TTLL11: variants seen among roughly 807,000 people sequenced by gnomAD.
TTLL11 encodes tubulin polyglutamylase TTLL11.
TTLL11 carries 42 observed loss-of-function variants against 51.7 expected under a neutral mutation model. The ratio of observed to expected loss-of-function variants is 0.81; its 90% CI spans 0.64 to 1.05. The LOEUF is 1.05. TTLL11 is among the 50% of genes least tolerant of loss of function. The probability of loss-of-function intolerance (pLI) is 0.00; values close to 1 mark genes in which losing one functional copy is unlikely to be tolerated. For synonymous variants in TTLL11, 381 were observed against 383.5 expected (o/e 0.99, Z 0.08); for missense variants, 799 against 940.4 (o/e 0.85, Z 1.97).
At chr9:121,979,898 A>G (rs1389263889) in intron 4 of TTLL11, among the ~76,000 whole-genome samples, 1 of 151,966 alleles carries the variant, frequency 6.6e-6, no homozygotes, top group Non-Finnish European at 1.5e-5. Flanking sequence ...CTGAAACATT[A>G]GTAGTTCAAG....
intron 8 of TTLL11, among the ~76,000 whole-genome samples, chr9:121,826,559 A>ATATATATATGTGTGTGTGTG (rs1836808376): frequency 1.1e-5 from 1 of 88,764 alleles, no homozygotes; most frequent in African/African-American, 5.6e-5. Flanking sequence ...ATGTGTGTGT[A>ATATATATATGTGTGTGTGTG]TATATATATA....
chr9:122,052,659 A>G (rs528977166), intron 1 of TTLL11, among the ~76,000 whole-genome samples: 1 of 152,314 alleles, frequency 6.6e-6, no homozygotes, highest in South Asian at 2.1e-4. Context: ...TGTTACCCAA[A>G]AGAGCTAGGA....
chr9:121,968,097 G>A (rs562138723), intron 6 of TTLL11, among the ~76,000 whole-genome samples: 5 of 152,250 alleles, frequency 3.3e-5, no homozygotes, highest in South Asian at 2.1e-4. Context: ...TAAATGCCAC[G>A]GAATTGTGCG....
At chr9:121,971,681 A>G (rs7046481) in intron 6 of TTLL11, among the ~76,000 whole-genome samples, 51,975 of 139,182 alleles carry the variant, frequency 0.37, 10,594 homozygotes, top group East Asian at 0.67. Context: ...GTGTCTGTGT[A>G]GAAAGAAGTA....
intron 6 of TTLL11, among the ~76,000 whole-genome samples, chr9:121,971,758 A>AAAAAAG (rs1214289726): frequency 3.3e-5 from 5 of 150,572 alleles, no homozygotes; most frequent in South Asian, 2.1e-4. Context: ...AAAAAAAAAA[A>AAAAAAG]AAAGAAAATG....
At chr9:121,978,772 A>C (rs1842769418) in intron 4 of TTLL11, among the ~76,000 whole-genome samples, 1 of 152,168 alleles carries the variant, frequency 6.6e-6, no homozygotes, top group South Asian at 2.1e-4. Flanking sequence ...ATTTATGCAA[A>C]GGTTCCAAAC....
chr9:122,084,227 T>C (rs79849517), intron 1 of TTLL11, among the ~76,000 whole-genome samples: 5,524 of 152,266 alleles, frequency 0.036, 151 homozygotes, highest in South Asian at 0.057. Flanking sequence ...AAACTGCCTA[T>C]TCTTCCAGCT....
chr9:122,053,826 C>T (rs58964134), intron 1 of TTLL11, among the ~76,000 whole-genome samples: 5,593 of 152,178 alleles, frequency 0.037, 163 homozygotes, highest in South Asian at 0.059. Flanking sequence ...CGCCAGGTTC[C>T]TAGTCGTTTG....
chr9:121,916,940 G>A (rs1432303420), intron 6 of TTLL11, among the ~76,000 whole-genome samples: 1 of 152,142 alleles, frequency 6.6e-6, no homozygotes, highest in East Asian at 1.9e-4. Context: ...GCCCATCCAA[G>A]ACCCCGTCCC....
At chr9:122,020,735 G>A (rs1009832309) in intron 3 of TTLL11, among the ~76,000 whole-genome samples, 1 of 152,240 alleles carries the variant, frequency 6.6e-6, no homozygotes, top group African/African-American at 2.4e-5. Flanking sequence ...TGGGACTAGT[G>A]TCCTTATAAG....
At chr9:121,867,927 T>C (rs1838228979) in intron 7 of TTLL11, among the ~76,000 whole-genome samples, 1 of 152,164 alleles carries the variant, frequency 6.6e-6, no homozygotes, top group African/African-American at 2.4e-5. Context: ...TCAGGAACAG[T>C]CGTTAGGTTA....
chr9:121,906,065 C>T (rs1564298704), intron 6 of TTLL11, among the ~76,000 whole-genome samples: 1 of 152,090 alleles, frequency 6.6e-6, no homozygotes, highest in African/African-American at 2.4e-5. Context: ...CAAATATGGG[C>T]TTAAAAATAT....
chr9:121,994,335 C>T (rs934811522), intron 3 of TTLL11, among the ~76,000 whole-genome samples: 2 of 152,114 alleles, frequency 1.3e-5, no homozygotes, highest in Non-Finnish European at 2.9e-5. Flanking sequence ...ATGGAAATCC[C>T]ACTAGTGAGA....
intron 6 of TTLL11, among the ~76,000 whole-genome samples, chr9:121,907,086 AAT>A (rs1036791276): frequency 6.6e-6 from 1 of 151,984 alleles, no homozygotes; most frequent in African/African-American, 2.4e-5. Context: ...CCTTTTTCCA[AAT>A]ATACTCTTTT....
chr9:121,950,467 C>G (rs762391324), intron 6 of TTLL11, among the ~76,000 whole-genome samples: 3 of 152,132 alleles, frequency 2.0e-5, no homozygotes, highest in African/African-American at 2.4e-5. Context: ...TTTTTCAGGA[C>G]TGAATGAAAC....
At chr9:122,027,330 C>T (rs547041355) in intron 3 of TTLL11, among the ~76,000 whole-genome samples, 3 of 152,252 alleles carry the variant, frequency 2.0e-5, no homozygotes, top group African/African-American at 7.2e-5. Context: ...GACACAGATC[C>T]AAACTGTATC....
intron 6 of TTLL11, among the ~76,000 whole-genome samples, chr9:121,902,740 T>C (rs1236793015): frequency 6.6e-6 from 1 of 152,132 alleles, no homozygotes; most frequent in African/African-American, 2.4e-5. Flanking sequence ...CTGACGCAGA[T>C]GGGAGTTAAA....
intron 6 of TTLL11, among the ~76,000 whole-genome samples, chr9:121,959,860 G>A (rs1402220397): frequency 6.6e-6 from 1 of 151,832 alleles, no homozygotes; most frequent in Non-Finnish European, 1.5e-5. Context: ...CACCGTCCCT[G>A]CTTGCTCACT....
At chr9:122,034,214 C>T (rs1461208667) in intron 2 of TTLL11, among the ~76,000 whole-genome samples, 1 of 152,224 alleles carries the variant, frequency 6.6e-6, no homozygotes, top group African/African-American at 2.4e-5. Context: ...GTCAGAAGGG[C>T]TCACACAACA....
Sources: allele counts gnomAD v4.1 joint callset (sites outside exome capture counted in the v4.1 genomes callset), GRCh38; gene constraint gnomAD v4.1.1; transcripts MANE v1.5; gene names NCBI Gene and HGNC (gene_info 2026-07-23, HGNC 2026-07-21).